CNBD2: variants seen among roughly 807,000 people sequenced by gnomAD.
CNBD2 encodes the protein cyclic nucleotide-binding domain-containing protein 2.
CNBD2 carries 64 observed loss-of-function variants against 63.7 expected under a neutral mutation model. The ratio of observed to expected loss-of-function variants is 1.00; its 90% confidence interval spans 0.82 to 1.24. The LOEUF (loss-of-function observed/expected upper bound fraction) is 1.24, where lower values mean the gene tolerates loss of function less well. Among genes scored for constraint, CNBD2 ranks in the 50% most tolerant of loss-of-function variants. CNBD2 has a pLI of 0.00. For missense variants in CNBD2, 691 were observed against 713.5 expected (o/e 0.97, Z 0.36); for synonymous variants, 229 against 255.4 (o/e 0.90, Z 0.99).
upstream of CNBD2, among the ~76,000 whole-genome samples, chr20:35,965,183 C>CTTT (rs369573397): frequency 7.2e-5 from 10 of 138,040 alleles, no homozygotes; most frequent in South Asian, 2.3e-4. Flanking sequence ...CCCTCTCTCT[C>CTTT]TTTTTTTTTT....
rs560307507 is a variant in CNBD2 at position 36,020,169 on chromosome 20, G to A, written c.1270-3433G>A. On this transcript the variant is annotated intron_variant, in intron 10 of 11. Transcript: ENST00000373973. The stretch of plus-strand genomic sequence containing the variant: ...ATGATCTTTGCACACTGCAAGCTCC[G>A]CCTCCCGAGTTTATGCCATTCTCCT... 2.6e-5 allele frequency among the ~76,000 whole-genome samples: 4 copies of A among 151,824 alleles called. No homozygotes were observed. The South Asian group carries it at 8.4e-4, about 32-fold the overall frequency.
intron 10 of CNBD2, among the ~76,000 whole-genome samples, chr20:36,022,544 A>G (rs2057229598): frequency 6.6e-6 from 1 of 152,000 alleles, no homozygotes; most frequent in African/African-American, 2.4e-5. Context: ...CATGTTGGCC[A>G]GGCTAGTCTC....
At chr20:36,014,640 T>A (rs6121125) in intron 10 of CNBD2, among the ~76,000 whole-genome samples, 2,602 of 151,238 alleles carry the variant, frequency 0.017, 67 homozygotes, top group African/African-American at 0.06. Flanking sequence ...CTTTTATTTT[T>A]TTTTTAAGAG....
chr20:36,029,722 G>A (rs566120835), intron 11 of CNBD2, among the ~76,000 whole-genome samples: 3 of 152,358 alleles, frequency 2.0e-5, no homozygotes, highest in Non-Finnish European at 2.9e-5. Context: ...CTGGCTGGAA[G>A]AATGAATGTT....
upstream of CNBD2, among the ~76,000 whole-genome samples, chr20:35,965,586 G>A (rs2056339627): frequency 6.6e-6 from 1 of 152,164 alleles, no homozygotes; most frequent in Non-Finnish European, 1.5e-5. Flanking sequence ...ATAGGAATAG[G>A]ACCAGTGCTC....
At chr20:36,003,219 C>A (rs2056940286) in intron 8 of CNBD2, among the ~76,000 whole-genome samples, 1 of 152,086 alleles carries the variant, frequency 6.6e-6, no homozygotes, top group Non-Finnish European at 1.5e-5. Context: ...TCTTCCAATG[C>A]CCTTATGTAC....
chr20:36,022,200 T>TC (rs199719458), intron 10 of CNBD2, among the ~76,000 whole-genome samples: 19,553 of 103,844 alleles, frequency 0.19, 2,823 homozygotes, highest in African/African-American at 0.5. Context: ...TTTTTCTTTT[T>TC]TTTTTTTTTT....
At chr20:35,977,284 GT>G (rs1024919528) in intron 3 of CNBD2, among the ~76,000 whole-genome samples, 1 of 152,200 alleles carries the variant, frequency 6.6e-6, no homozygotes, top group Non-Finnish European at 1.5e-5. Context: ...ACAGGGAAGA[GT>G]AGAGAGCCAA....
At chr20:35,975,501 C>T (rs1327713954) in intron 2 of CNBD2, among the ~76,000 whole-genome samples, 1 of 145,624 alleles carries the variant, frequency 6.9e-6, no homozygotes, top group Non-Finnish European at 1.5e-5. Flanking sequence ...GGGGTTTCAC[C>T]TTGTTAGCCA....
intron 11 of CNBD2, among the ~76,000 whole-genome samples, chr20:36,024,956 A>T (rs1235785342): frequency 2.6e-5 from 4 of 152,234 alleles, no homozygotes; most frequent in Non-Finnish European, 5.9e-5. Flanking sequence ...ATAATAATAA[A>T]AAATAAATAA....
intron 10 of CNBD2, among the ~76,000 whole-genome samples, chr20:36,021,384 G>A (rs1430029308): frequency 6.6e-6 from 1 of 152,160 alleles, no homozygotes; most frequent in Non-Finnish European, 1.5e-5. Context: ...GAGTAGATTG[G>A]TGGTTACCAG....
At chr20:35,983,272 C>T (rs1455951222) in intron 4 of CNBD2, among the ~76,000 whole-genome samples, 2 of 151,932 alleles carry the variant, frequency 1.3e-5, no homozygotes, top group Admixed American at 6.5e-5. Context: ...CCTGGCCTCA[C>T]GGTACCTAAC....
chr20:35,964,297 C>T (rs981340212), upstream of CNBD2, among the ~76,000 whole-genome samples: 3 of 152,064 alleles, frequency 2.0e-5, no homozygotes, highest in Admixed American at 6.6e-5. Context: ...TCTCCTGTCT[C>T]GGCCTCCCTA....
intron 10 of CNBD2, among the ~76,000 whole-genome samples, chr20:36,019,819 G>A (rs1209270124): frequency 6.6e-6 from 1 of 152,176 alleles, no homozygotes; most frequent in East Asian, 1.9e-4. Flanking sequence ...AGAAGCAACT[G>A]ACTCCAGCTG....
chr20:35,968,795 G>T lies in CNBD2; in HGVS notation c.33G>T (p.Gln11His). MRRHMVTYAWQLLKKELGLYQ... is the reference protein window; with the variant it reads MRRHMVTYAWHLLKKELGLYQ... The stretch of plus-strand genomic sequence containing the variant: ...GACATATGGTAACTTATGCCTGGCA[G>T]CTCCTGAAGAAGGAACTGGTGAGGA... Residue 11 changes from glutamine (Q) to histidine (H), a missense_variant, in exon 1 of 12, where the codon CAG becomes CAT. By Grantham distance (24) the Gln-to-His change is conservative. Transcript: ENST00000373973. 1 of 1,608,406 alleles carries T rather than the reference G, an allele frequency of 6.2e-7. No homozygotes were observed. The highest frequency in any genetic ancestry group is 8.5e-7 in the Non-Finnish European group (1 of 1,177,954).
chr20:35,996,247 C>T (rs2147276957), intron 8 of CNBD2, among the ~76,000 whole-genome samples: 1 of 152,238 alleles, frequency 6.6e-6, no homozygotes, highest in East Asian at 1.9e-4. Flanking sequence ...GCTTTGCATT[C>T]CCAGGGCTTC....
Position 36,011,328 on chromosome 20 carries a change from A to G in CNBD2, c.1269+71A>G, listed in dbSNP as rs1425840223. ...ATGGGCTGGAATGTTAAGTAATGACAGTAAAGGTTTAAAAACACTTCCCTC... is the reference window on the plus strand; with the variant it reads ...ATGGGCTGGAATGTTAAGTAATGACGGTAAAGGTTTAAAAACACTTCCCTC... On this transcript the variant is annotated intron_variant, in intron 10 of 11. Coordinates refer to ENST00000373973, the MANE Select transcript of CNBD2 (RefSeq NM_001365709.1). 4.6e-5 allele frequency: 64 copies of G among 1,381,654 alleles called. No individual in the cohort carries two copies. In the East Asian group the frequency reaches 1.6e-3, roughly 35 times the overall value. The allele number at this position is 1,381,654 out of a possible 1,614,324, so 85.6% of individuals were successfully genotyped here.
At chr20:36,002,125 C>T (rs1215677136) in intron 8 of CNBD2, among the ~76,000 whole-genome samples, 1 of 152,224 alleles carries the variant, frequency 6.6e-6, no homozygotes, top group Non-Finnish European at 1.5e-5. Context: ...CTGAGTGAGC[C>T]GGACTCCGTC....
chr20:36,008,944 C>T (rs1325942011), intron 9 of CNBD2, among the ~76,000 whole-genome samples: 1 of 150,294 alleles, frequency 6.7e-6, no homozygotes, highest in Admixed American at 6.6e-5. Flanking sequence ...CCTCTCTAAG[C>T]TGTATTTCTT....
Sources: gnomAD v4.1 joint callset for allele counts (sites outside exome capture counted in the v4.1 genomes callset) on GRCh38, gnomAD v4.1.1 for gene constraint, MANE v1.5 for transcripts, NCBI Gene and HGNC (gene_info 2026-07-23, HGNC 2026-07-21) for gene names.